COBL: variants seen among roughly 807,000 people sequenced by gnomAD.
COBL encodes cordon-bleu WH2 repeat protein, also known as protein cordon-bleu.
A neutral mutation model predicts 98.8 loss-of-function variants in COBL; 51 were observed. That is an observed-to-expected ratio of 0.52 (90% confidence interval 0.41 to 0.65). The LOEUF (loss-of-function observed/expected upper bound fraction) is 0.65, where lower values mean the gene tolerates loss of function less well. COBL is among the 30% of genes least tolerant of loss of function. The probability of loss-of-function intolerance (pLI) is 0.00; values close to 1 mark genes in which losing one functional copy is unlikely to be tolerated. For missense variants in COBL, 1,617 were observed against 1,617.5 expected, an observed-to-expected ratio of 1.00 and a Z score of 0.01; for synonymous variants, 634 against 651.7, an observed-to-expected ratio of 0.97 and a Z score of 0.41.
chr7:51,311,656 G>A (rs1336250322), intron 1 of COBL, among the ~76,000 whole-genome samples: 3 of 152,108 alleles, frequency 2.0e-5, no homozygotes, highest in African/African-American at 7.2e-5. Flanking sequence ...CCAGGGAGTG[G>A]CCCTGAAAAA....
At chr7:51,112,878 T>C (rs1314569124) in intron 6 of COBL, among the ~76,000 whole-genome samples, 2 of 152,214 alleles carry the variant, frequency 1.3e-5, no homozygotes, top group Non-Finnish European at 2.9e-5. Context: ...CAGACACTTC[T>C]TAGACAAGCA....
At chr7:51,242,750 C>G (rs1795911488) in intron 1 of COBL, among the ~76,000 whole-genome samples, 1 of 152,100 alleles carries the variant, frequency 6.6e-6, no homozygotes, top group Admixed American at 6.5e-5. Flanking sequence ...AGAATTGGGC[C>G]CTGGAAGAGC....
At position 51,016,963 on chromosome 7, in the gene COBL, A is replaced by G. The variant is rs529610323; in HGVS notation, c.*588T>C. ...GATCATGGACTGTGACCCTCTGTGA[A>G]GTGTTAGCCCCAAATATTTGAGGAA... is the stretch of plus-strand genomic sequence containing the variant. On this transcript the variant is annotated 3_prime_UTR_variant, in exon 13 of 13. Coordinates refer to ENST00000265136, the MANE Select transcript of COBL (RefSeq NM_015198.5). The G allele has an allele frequency of 3.5e-5, 14 of 403,254 alleles. No homozygotes were observed. In the South Asian group the frequency reaches 1.7e-3, roughly 49 times the overall value. 25.0% of individuals were successfully genotyped at this position (403,254 alleles called of 1,614,324 possible).
chr7:51,089,353 G>A (rs1328203661), intron 6 of COBL, among the ~76,000 whole-genome samples: 3 of 151,802 alleles, frequency 2.0e-5, no homozygotes, highest in Admixed American at 6.6e-5. Flanking sequence ...TGTCTCTACT[G>A]AATATATAAA....
At chr7:51,230,516 T>C (rs565701538) in intron 1 of COBL, among the ~76,000 whole-genome samples, 54 of 152,244 alleles carry the variant, frequency 3.5e-4, no homozygotes, top group Non-Finnish European at 5.4e-4. Context: ...TGCTGGCCCC[T>C]TCCCACCACC....
chr7:51,063,720 C>T (rs966595789), intron 7 of COBL, among the ~76,000 whole-genome samples: 22 of 152,314 alleles, frequency 1.4e-4, no homozygotes, highest in African/African-American at 5.1e-4. Context: ...GTTGCCTTAT[C>T]TCTAACTTTT....
At chr7:51,203,871 A>G (rs1791404747) in intron 2 of COBL, among the ~76,000 whole-genome samples, 1 of 152,194 alleles carries the variant, frequency 6.6e-6, no homozygotes. Flanking sequence ...TTCCAAACAA[A>G]TTTTATGAGG....
chr7:51,033,578 C>T (rs1474360500), intron 8 of COBL: 1 of 152,194 alleles, frequency 6.6e-6, no homozygotes, highest in Non-Finnish European at 1.5e-5. Context: ...AAGGCGGAGA[C>T]AGAAATCTAA....
intron 5 of COBL, among the ~76,000 whole-genome samples, chr7:51,173,989 T>C (rs1329394685): frequency 6.6e-6 from 1 of 152,170 alleles, no homozygotes; most frequent in African/African-American, 2.4e-5. Flanking sequence ...AGAGTCACCT[T>C]AAGTTTTAAA....
intron 6 of COBL, among the ~76,000 whole-genome samples, chr7:51,105,661 G>A (rs574662237): frequency 3.3e-5 from 5 of 152,152 alleles, no homozygotes; most frequent in African/African-American, 4.8e-5. Context: ...TGAGGCAGGA[G>A]GATTGATTGA....
chr7:51,169,260 A>G (rs1787625355), intron 5 of COBL, among the ~76,000 whole-genome samples: 1 of 152,078 alleles, frequency 6.6e-6, no homozygotes, highest in African/African-American at 2.4e-5. Context: ...AAGTCCCCCA[A>G]CACCCTGGTT....
chr7:51,276,724 C>A (rs1321625356), intron 1 of COBL, among the ~76,000 whole-genome samples: 6 of 152,118 alleles, frequency 3.9e-5, no homozygotes, highest in Non-Finnish European at 8.8e-5. Context: ...TGTGAACAGG[C>A]CTTGCAGAGT....
At chr7:51,269,529 G>C (rs1043713412) in intron 1 of COBL, among the ~76,000 whole-genome samples, 2 of 152,234 alleles carry the variant, frequency 1.3e-5, no homozygotes, top group Non-Finnish European at 2.9e-5. Context: ...GGGGGGCAGA[G>C]GTGTGCTCAG....
chr7:51,186,353 T>C (rs992102277), intron 4 of COBL, among the ~76,000 whole-genome samples: 14 of 152,186 alleles, frequency 9.2e-5, no homozygotes, highest in Non-Finnish European at 1.6e-4. Context: ...CATGGTAAAG[T>C]TGAAAAATCT....
rs1182129311 is a variant in COBL at position 51,240,081 on chromosome 7, A to T, written c.42-20137T>A. On this transcript the variant is annotated intron_variant, in intron 1 of 12. Coordinates refer to ENST00000265136, the MANE Select transcript of COBL (RefSeq NM_015198.5). Reference sequence around the variant, plus strand: ...ATATTATTTTCCTGTTAATTTTTTTAAAAAATACCTTTAAACATGCAAGAA... The same window carrying T: ...ATATTATTTTCCTGTTAATTTTTTTTAAAAATACCTTTAAACATGCAAGAA... 3.3e-5 allele frequency among the ~76,000 whole-genome samples: 5 copies of T among 152,260 alleles called. No individual in the cohort carries two copies. In the East Asian group the frequency reaches 5.8e-4, roughly 18 times the overall value.
intron 1 of COBL, among the ~76,000 whole-genome samples, chr7:51,233,839 G>A (rs1046762348): frequency 1.1e-4 from 16 of 152,200 alleles, no homozygotes; most frequent in African/African-American, 3.6e-4. Flanking sequence ...TGACTACTTC[G>A]TTGCAATCCC....
chr7:51,237,757 G>T (rs1442678844), intron 1 of COBL, among the ~76,000 whole-genome samples: 2 of 152,132 alleles, frequency 1.3e-5, no homozygotes, highest in Non-Finnish European at 2.9e-5. Context: ...AAACAGGAAC[G>T]TGTTCAGTAA....
rs772820532 is a variant in COBL at position 51,043,373 on chromosome 7, C to T, written c.1406+10G>A. On this transcript the variant is annotated intron_variant, in intron 8 of 12. Transcript: ENST00000265136. Reference sequence around the variant, plus strand: ...GACTTCCGTACCCACCCATCCTTCCCGTGACTCACCTCAGATGTGAGTTCT... The same window carrying T: ...GACTTCCGTACCCACCCATCCTTCCTGTGACTCACCTCAGATGTGAGTTCT... 13 of 1,612,190 alleles carry T rather than the reference C, an allele frequency of 8.1e-6. No homozygotes were observed. The highest frequency in any genetic ancestry group is 2.2e-5 in the South Asian group (2 of 91,002).
chr7:51,029,791 C>A (rs961765280), intron 9 of COBL, among the ~76,000 whole-genome samples, 200 bp from the exon 10 acceptor site: 18 of 152,208 alleles, frequency 1.2e-4, no homozygotes, highest in Admixed American at 2.0e-4. Flanking sequence ...CAGCTGTTTG[C>A]AGATCCATGA....
Sources: allele counts gnomAD v4.1 joint callset (sites outside exome capture counted in the v4.1 genomes callset), GRCh38; gene constraint gnomAD v4.1.1; transcripts MANE v1.5; gene names NCBI Gene and HGNC (gene_info 2026-07-23, HGNC 2026-07-21).